The following FARP1 variants were observed in gnomAD, a reference collection of about 807,000 sequenced individuals.
FARP1 encodes FERM, ARH/RhoGEF and pleckstrin domain protein 1.
FARP1 carries 52 observed loss-of-function variants against 128.8 expected under a neutral mutation model. The observed-to-expected ratio is 0.40, with a 90% confidence interval of 0.32 to 0.51. The LOEUF is 0.51. FARP1 is among the 20% of genes least tolerant of loss of function. The probability of loss-of-function intolerance (pLI) is 0.45; values close to 1 mark genes in which losing one functional copy is unlikely to be tolerated. For synonymous variants in FARP1, 580 were observed against 551.8 expected (o/e 1.05, Z -0.72); for missense variants, 1,333 against 1,367.9 (o/e 0.97, Z 0.40).
In FARP1 at chr13:98,440,255, C is replaced by T. The variant is rs1319376192; in HGVS notation, c.2629+20C>T. On this transcript the variant is annotated intron_variant, in intron 23 of 26. Transcript: ENST00000319562. ...ACAACAGTGAGTGTGGCCAGGGCAG[C>T]TTTCCCATGCAGGGGTCTGGTTCAT... The T allele has an allele frequency of 6.4e-7, 1 of 1,571,668 alleles. No homozygotes were observed. Among genetic ancestry groups the T allele is most frequent in the Non-Finnish European group, 8.8e-7 (1 of 1,141,792 alleles).
intron 3 of FARP1, among the ~76,000 whole-genome samples, chr13:98,350,172 C>T (rs1433763348): frequency 2.0e-5 from 3 of 152,046 alleles, no homozygotes; most frequent in Non-Finnish European, 2.9e-5. Context: ...ACAGGCAGGT[C>T]CCCAGAGGAG....
chr13:98,236,621 C>T, intron 2 of FARP1, among the ~76,000 whole-genome samples: 1 of 152,268 alleles, frequency 6.6e-6, no homozygotes, highest in Non-Finnish European at 1.5e-5. Context: ...TGAGATATGT[C>T]ATGAATATAT....
chr13:98,314,873 T>C (rs1018590970), intron 2 of FARP1, among the ~76,000 whole-genome samples: 3 of 152,184 alleles, frequency 2.0e-5, no homozygotes, highest in Non-Finnish European at 1.5e-5. Context: ...ATTGTATGTA[T>C]GTATTGTTGG....
At chr13:98,430,992 G>A in intron 17 of FARP1, 51 bp from the exon 18 acceptor site, 1 of 1,205,104 alleles carries the variant, frequency 8.3e-7, no homozygotes, top group Non-Finnish European at 1.2e-6. Context: ...GCAGAACACA[G>A]GTGCATCCCA....
chr13:98,345,484 G>A (rs1888141673), intron 3 of FARP1: 1 of 152,140 alleles, frequency 6.6e-6, no homozygotes, highest in African/African-American at 2.4e-5. Context: ...TTCTTTCTAG[G>A]TACCGGGCAG....
chr13:98,142,910 G>A (rs2139053473), upstream of FARP1: 1 of 151,664 alleles, frequency 6.6e-6, no homozygotes, highest in East Asian at 1.9e-4. Flanking sequence ...CGGCGCGCTG[G>A]GCTCGGGAGG....
chr13:98,439,855 C>CTT, intron 21 of FARP1, 106 bp from the exon 22 acceptor site: 1 of 816,324 alleles, frequency 1.2e-6, no homozygotes, highest in South Asian at 1.7e-5. Flanking sequence ...CTCCTGAGCC[C>CTT]TGCTCAGGGG....
In FARP1 at chr13:98,388,366, A is replaced by T; in HGVS notation, c.760-17A>T. The T allele has an allele frequency of 6.3e-7, 1 of 1,598,974 alleles. No individual in the cohort carries two copies. The highest frequency in any genetic ancestry group is 8.6e-7 in the Non-Finnish European group (1 of 1,166,180). On this transcript the variant is annotated splice_polypyrimidine_tract_variant and intron_variant, in intron 8 of 26. Transcript: ENST00000319562. ...GTTATGCATTTCCTGGCTCACTGCT[A>T]CTGTCTTTCTTTTTAGGGTTTCACT...
rs770309665 is a variant in FARP1, at chr13:98,440,059, G to A, written c.2516+16G>A. ...TGGCCGCCAGGTAACTCGGGAGCCC[G>A]CCCCTTGCCTGTTTCCCCTTTGATG... On this transcript the variant is annotated intron_variant, in intron 22 of 26. Transcript: ENST00000319562. The A allele has an allele frequency of 2.5e-5, 40 of 1,608,718 alleles. No homozygotes were observed. Among genetic ancestry groups the A allele is most frequent in the Non-Finnish European group, 3.1e-5 (36 of 1,175,648 alleles).
chr13:98,445,191 G>T (rs1415959492), intron 24 of FARP1: 1 of 152,276 alleles, frequency 6.6e-6, no homozygotes, highest in African/African-American at 2.4e-5. Context: ...AGACTCGGAG[G>T]TCTGTATTTT....
intron 1 of FARP1, among the ~76,000 whole-genome samples, chr13:98,167,988 C>T (rs532547162): frequency 3.5e-4 from 53 of 151,686 alleles, no homozygotes; most frequent in African/African-American, 1.1e-3. Flanking sequence ...CTGGCTAACA[C>T]GGTGAAACCC....
rs766336640 is a variant in FARP1, at chr13:98,440,117, C to T, written c.2517-6C>T. On this transcript the variant is annotated splice_polypyrimidine_tract_variant and splice_region_variant and intron_variant, in intron 22 of 26. Transcript: ENST00000319562. Reference sequence around the variant, plus strand: ...GCCTGAACACCTGACGCGTCTCTGTCTCCAGTTCTCGGTCCGAGATGGAGA... The same window carrying T: ...GCCTGAACACCTGACGCGTCTCTGTTTCCAGTTCTCGGTCCGAGATGGAGA... 5.0e-6 allele frequency: 8 copies of T among 1,612,588 alleles called. No individual in the cohort carries two copies. Among genetic ancestry groups the T allele is most frequent in the Admixed American group, 1.7e-5 (1 of 60,002 alleles).
intron 2 of FARP1, among the ~76,000 whole-genome samples, chr13:98,278,332 T>C (rs1372604463): frequency 6.6e-6 from 1 of 152,014 alleles, no homozygotes; most frequent in Non-Finnish European, 1.5e-5. Context: ...TGTGTGTATA[T>C]GTGTGTGAGT....
intron 2 of FARP1, among the ~76,000 whole-genome samples, chr13:98,239,098 G>A (rs1882613534): frequency 6.6e-6 from 1 of 152,190 alleles, no homozygotes; most frequent in Non-Finnish European, 1.5e-5. Flanking sequence ...TGTATCTACA[G>A]ACTACTTTCA....
chr13:98,394,635 TA>T (rs959739219), intron 12 of FARP1, among the ~76,000 whole-genome samples: 1 of 152,080 alleles, frequency 6.6e-6, no homozygotes, highest in Non-Finnish European at 1.5e-5. Context: ...CCAGTCTCTA[TA>T]AAAAAATTTA....
At chr13:98,321,025 G>A (rs2139788471) in intron 2 of FARP1, among the ~76,000 whole-genome samples, 1 of 152,290 alleles carries the variant, frequency 6.6e-6, no homozygotes, top group South Asian at 2.1e-4. Flanking sequence ...GAGTCTTTGG[G>A]TTATGGAAGA....
intron 16 of FARP1, among the ~76,000 whole-genome samples, chr13:98,419,499 C>T (rs1260497425): frequency 6.7e-6 from 1 of 149,478 alleles, no homozygotes; most frequent in African/African-American, 2.5e-5. Context: ...CACACACACA[C>T]ACACACACAC....
At position 98,390,885 on chromosome 13, in the gene FARP1, G is replaced by A. The variant is rs1890280565; in HGVS notation, c.1088+5G>A. 1 of 1,604,528 alleles carries A rather than the reference G, an allele frequency of 6.2e-7. No homozygotes were observed. Among genetic ancestry groups the A allele is most frequent in the Non-Finnish European group, 8.5e-7 (1 of 1,171,392 alleles). On this transcript the variant is annotated splice_donor_5th_base_variant and intron_variant, in intron 11 of 26. Transcript: ENST00000319562. ...TAAGAAGGTGCAGTTTGAAAGGTAA[G>A]AGAAGCTTCAATGCTACTTCCAGTC...
intron 5 of FARP1, among the ~76,000 whole-genome samples, chr13:98,369,945 T>A (rs1342261277): frequency 6.6e-6 from 1 of 152,220 alleles, no homozygotes; most frequent in Non-Finnish European, 1.5e-5. Flanking sequence ...ATCAGCAATA[T>A]TTATTAAGGG....
Sources: gnomAD v4.1 joint callset for allele counts (sites outside exome capture counted in the v4.1 genomes callset) on GRCh38, gnomAD v4.1.1 for gene constraint, MANE v1.5 for transcripts, NCBI Gene and HGNC (gene_info 2026-07-23, HGNC 2026-07-21) for gene names.